The following MAPK4 variants were observed in gnomAD, a reference collection of about 807,000 sequenced individuals.
MAPK4 encodes the protein Erk3-related.
Under a neutral mutation model 47.7 loss-of-function variants are expected in MAPK4, and 22 were observed. The ratio of observed to expected loss-of-function variants is 0.46; its 90% CI spans 0.33 to 0.66. The LOEUF (loss-of-function observed/expected upper bound fraction) is 0.66, where lower values mean the gene tolerates loss of function less well. Ranked by LOEUF, MAPK4 falls within the 30% of genes least tolerant of loss-of-function variation. MAPK4 has a pLI of 0.02. For synonymous variants in MAPK4, 390 were observed against 365.7 expected, an observed-to-expected ratio of 1.07 and a Z score of -0.76; for missense variants, 736 against 831.7, an observed-to-expected ratio of 0.88 and a Z score of 1.42.
At chr18:50,560,075 G>C (rs1041233833), upstream of MAPK4, 8 of 148,350 alleles carry the variant, frequency 5.4e-5, no homozygotes, top group Non-Finnish European at 4.5e-5. Flanking sequence ...GGCCGGGGCC[G>C]GGGCGGGAGC....
chr18:50,626,381 G>A (rs551325540), intron 1 of MAPK4, among the ~76,000 whole-genome samples: 74 of 152,300 alleles, frequency 4.9e-4, no homozygotes, highest in Non-Finnish European at 1.0e-3. Context: ...TGGGAGAGGT[G>A]GACTTGAACC....
chr18:50,577,465 G>T (rs2042308289), intron 1 of MAPK4, among the ~76,000 whole-genome samples: 4 of 152,188 alleles, frequency 2.6e-5, no homozygotes, highest in Admixed American at 1.3e-4. Context: ...AGAGACTAGG[G>T]TTTAATTGGT....
intron 1 of MAPK4, among the ~76,000 whole-genome samples, chr18:50,580,504 T>C (rs1473553156): frequency 6.6e-6 from 1 of 152,150 alleles, no homozygotes; most frequent in Non-Finnish European, 1.5e-5. Flanking sequence ...ATGCCCATGC[T>C]CTTACTAGGT....
intron 1 of MAPK4, among the ~76,000 whole-genome samples, chr18:50,626,394 C>A (rs1215274364): frequency 6.6e-6 from 1 of 152,124 alleles, no homozygotes; most frequent in Admixed American, 6.5e-5. Flanking sequence ...CTTGAACCAA[C>A]CTTGGGGATG....
At chr18:50,598,458 G>GA (rs781698048) in intron 1 of MAPK4, among the ~76,000 whole-genome samples, 1 of 151,662 alleles carries the variant, frequency 6.6e-6, no homozygotes, top group Non-Finnish European at 1.5e-5. Flanking sequence ...GCCTGGCTAG[G>GA]AAAAAAAATC....
At chr18:50,596,094 G>A (rs1456769789) in intron 1 of MAPK4, among the ~76,000 whole-genome samples, 1 of 152,168 alleles carries the variant, frequency 6.6e-6, no homozygotes. Flanking sequence ...AGCGCTGGGA[G>A]CTTTTCTAGG....
intron 2 of MAPK4, among the ~76,000 whole-genome samples, chr18:50,709,727 C>T (rs1390155085): frequency 6.6e-6 from 1 of 152,178 alleles, no homozygotes; most frequent in Non-Finnish European, 1.5e-5. Flanking sequence ...CCAGACACCC[C>T]TGACCACTTC....
intron 1 of MAPK4, among the ~76,000 whole-genome samples, chr18:50,601,115 GAAGA>G (rs2042534910): frequency 7.3e-6 from 1 of 136,302 alleles, no homozygotes; most frequent in South Asian, 2.4e-4. Context: ...AAAAAAAAAA[GAAGA>G]AGAAGAAGAA....
At chr18:50,579,508 T>C (rs1216167489) in intron 1 of MAPK4, among the ~76,000 whole-genome samples, 1 of 152,172 alleles carries the variant, frequency 6.6e-6, no homozygotes, top group Non-Finnish European at 1.5e-5. Context: ...CCCACCTCCT[T>C]AGTCTAGATG....
chr18:50,719,837 G>A (rs913060987), intron 3 of MAPK4, among the ~76,000 whole-genome samples: 7 of 152,186 alleles, frequency 4.6e-5, no homozygotes, highest in South Asian at 2.1e-4. Context: ...CGAGATGGTC[G>A]CAATCGCTTT....
At chr18:50,723,027 G>A (rs1001275921) in intron 4 of MAPK4, among the ~76,000 whole-genome samples, 1 of 152,210 alleles carries the variant, frequency 6.6e-6, no homozygotes, top group African/African-American at 2.4e-5. Context: ...GAGTTTCTGA[G>A]GGGCGGTGGC....
chr18:50,670,749 T>A (rs1198826076), intron 2 of MAPK4, among the ~76,000 whole-genome samples: 1 of 119,632 alleles, frequency 8.4e-6, no homozygotes, highest in Non-Finnish European at 1.7e-5. Context: ...AGAGTGAGAC[T>A]CCGTCTCAAA....
intron 1 of MAPK4, among the ~76,000 whole-genome samples, chr18:50,652,649 A>AATTAGG (rs2043062998): frequency 6.6e-6 from 1 of 152,212 alleles, no homozygotes; most frequent in South Asian, 2.1e-4. Context: ...ATTAATATTG[A>AATTAGG]TGCAGTAGGT....
At chr18:50,609,154 A>G (rs2042608843) in intron 1 of MAPK4, among the ~76,000 whole-genome samples, 1 of 152,044 alleles carries the variant, frequency 6.6e-6, no homozygotes, top group Admixed American at 6.5e-5. Flanking sequence ...TGATTTCTCT[A>G]TCTTTTCCCC....
intron 2 of MAPK4, among the ~76,000 whole-genome samples, chr18:50,699,436 A>C (rs569575555): frequency 4.6e-5 from 7 of 152,360 alleles, no homozygotes; most frequent in African/African-American, 1.7e-4. Flanking sequence ...TGATCGTTTA[A>C]ATAAAACTCA....
chr18:50,688,126 A>G (rs1005911375), intron 2 of MAPK4, among the ~76,000 whole-genome samples: 11 of 152,110 alleles, frequency 7.2e-5, no homozygotes, highest in Non-Finnish European at 2.9e-5. Flanking sequence ...CCTGCCGTTG[A>G]GAGGCTACAG....
intron 1 of MAPK4, among the ~76,000 whole-genome samples, chr18:50,602,790 G>A (rs532403492): frequency 6.6e-6 from 1 of 152,264 alleles, no homozygotes; most frequent in African/African-American, 2.4e-5. Flanking sequence ...ACAAGAATCA[G>A]CAACCCCATT....
intron 1 of MAPK4, among the ~76,000 whole-genome samples, chr18:50,599,263 C>G (rs2042513178): frequency 6.6e-6 from 1 of 152,186 alleles, no homozygotes; most frequent in Non-Finnish European, 1.5e-5. Context: ...CAGGCTCTCA[C>G]TAACTCTTAC....
At chr18:50,582,621 C>T (rs72917632) in intron 1 of MAPK4, among the ~76,000 whole-genome samples, 7,006 of 152,356 alleles carry the variant, frequency 0.046, 252 homozygotes, top group South Asian at 0.16. Flanking sequence ...GAAATCTCTA[C>T]AGCTGCTGCT....
Sources: allele counts gnomAD v4.1 joint callset (sites outside exome capture counted in the v4.1 genomes callset), GRCh38; gene constraint gnomAD v4.1.1; transcripts MANE v1.5; gene names NCBI Gene and HGNC (gene_info 2026-07-23, HGNC 2026-07-21).